The following GRIP1 variants were observed in gnomAD, a reference collection of about 807,000 sequenced individuals.
GRIP1 encodes the protein glutamate receptor-interacting protein 1.
GRIP1 carries 45 observed loss-of-function variants against 129.9 expected under a neutral mutation model. The ratio of observed to expected loss-of-function variants is 0.35; its 90% CI spans 0.27 to 0.44. GRIP1 has a LOEUF of 0.44. GRIP1 is among the 20% of genes least tolerant of loss of function. The pLI is 1.00. For synonymous variants in GRIP1, 530 were observed against 520.8 expected (o/e 1.02, Z -0.24); for missense variants, 1,196 against 1,396.8 (o/e 0.86, Z 2.29).
chr12:66,409,704 A>G (rs1187293653), intron 15 of GRIP1, among the ~76,000 whole-genome samples: 3 of 152,246 alleles, frequency 2.0e-5, no homozygotes, highest in African/African-American at 4.8e-5. Context: ...ATAAGGCACG[A>G]AAGACCAATC....
At position 66,604,830 on chromosome 12, in the gene GRIP1, A is replaced by G. The variant is rs1348201065; in HGVS notation, c.56-7903T>C. On this transcript the variant is annotated intron_variant, in intron 1 of 24. Transcript: ENST00000359742. ...CTGGCTATTTAAAATCACATTTTAA[A>G]TTCTTGTTTAAAAAGCACACTATTC... 2.0e-5 allele frequency among the ~76,000 whole-genome samples: 3 copies of G among 152,330 alleles called. No homozygotes were observed. In the East Asian group the frequency reaches 5.8e-4, roughly 29 times the overall value.
chr12:66,786,717 A>G (rs951785851), intron 1 of GRIP1, among the ~76,000 whole-genome samples: 3 of 152,144 alleles, frequency 2.0e-5, no homozygotes, highest in Non-Finnish European at 4.4e-5. Context: ...CTGACTCCCA[A>G]GGGTCCTCAC....
intron 1 of GRIP1, among the ~76,000 whole-genome samples, chr12:66,974,185 A>G (rs1022173691): frequency 6.6e-6 from 1 of 151,702 alleles, no homozygotes; most frequent in East Asian, 1.9e-4. Flanking sequence ...CAGCCTCCCA[A>G]AGTGCTGGGA....
chr12:66,595,684 C>G (rs1254348927), intron 2 of GRIP1, among the ~76,000 whole-genome samples: 1 of 152,202 alleles, frequency 6.6e-6, no homozygotes, highest in Admixed American at 6.5e-5. Flanking sequence ...GACATCTCGG[C>G]ACTGGGTGAT....
intron 2 of GRIP1, among the ~76,000 whole-genome samples, chr12:66,583,958 C>T (rs1227109765): frequency 3.6e-5 from 5 of 139,080 alleles, no homozygotes; most frequent in Admixed American, 1.5e-4. Context: ...CACATGCACA[C>T]GTATGTTTAT....
chr12:66,964,259 G>A (rs1381005881), intron 1 of GRIP1, among the ~76,000 whole-genome samples: 1 of 152,098 alleles, frequency 6.6e-6, no homozygotes, highest in African/African-American at 2.4e-5. Flanking sequence ...TAAGTAGCCA[G>A]AAATATACCA....
intron 1 of GRIP1, among the ~76,000 whole-genome samples, chr12:66,800,423 A>G (rs901278054): frequency 6.7e-6 from 1 of 149,548 alleles, no homozygotes; most frequent in African/African-American, 2.6e-5. Flanking sequence ...ACCTCTATTC[A>G]TAAGAGAGAA....
At chr12:66,732,652 C>T (rs2036476311) in intron 1 of GRIP1, among the ~76,000 whole-genome samples, 1 of 151,898 alleles carries the variant, frequency 6.6e-6, no homozygotes, top group Non-Finnish European at 1.5e-5. Context: ...ATTTTCTTAA[C>T]ACTTTTTCTC....
Position 66,392,717 on chromosome 12 carries a change from T to G in GRIP1, c.2229A>C (p.Ala743=). ...TAATTTTCAAGGTGACAGTCTCTCC[T>G]GCCATCTGTAACAAATGGATGGCTT... ...LSEAIHLLQM[A]GETVTLKIKK... is the part of the protein sequence containing the mutation. The change falls in exon 18 of 25, where the codon GCA becomes GCC. Residue 743 remains alanine, a synonymous_variant. Transcript: ENST00000359742. 6.2e-7 allele frequency: 1 copy of G among 1,613,878 alleles called. No individual in the cohort carries two copies. The highest frequency in any genetic ancestry group is 8.5e-7 in the Non-Finnish European group (1 of 1,179,714).
chr12:67,026,739 A>G (rs1364152928), intron 1 of GRIP1, among the ~76,000 whole-genome samples: 1 of 152,176 alleles, frequency 6.6e-6, no homozygotes, highest in Non-Finnish European at 1.5e-5. Flanking sequence ...TGGTCAATCT[A>G]TTACAGAGGA....
At chr12:66,718,278 G>T (rs574641781) in intron 1 of GRIP1, among the ~76,000 whole-genome samples, 2 of 152,050 alleles carry the variant, frequency 1.3e-5, no homozygotes, top group Non-Finnish European at 2.9e-5. Context: ...GCCAAGGTTT[G>T]CTCCACTTGT....
chr12:66,662,825 A>G (rs2033589292), intron 1 of GRIP1, among the ~76,000 whole-genome samples: 1 of 152,086 alleles, frequency 6.6e-6, no homozygotes, highest in East Asian at 1.9e-4. Context: ...TTACTGCTCT[A>G]CCCTTCCTGA....
At chr12:66,532,613 G>A (rs902706439) in intron 4 of GRIP1, among the ~76,000 whole-genome samples, 1 of 152,118 alleles carries the variant, frequency 6.6e-6, no homozygotes, top group Non-Finnish European at 1.5e-5. Context: ...CACAAGCAGA[G>A]GCTGGAATTG....
At chr12:66,984,527 T>C (rs2042283049) in intron 1 of GRIP1, among the ~76,000 whole-genome samples, 3 of 152,218 alleles carry the variant, frequency 2.0e-5, no homozygotes, top group Admixed American at 2.0e-4. Flanking sequence ...TTACATGTAC[T>C]AACTCATTTA....
intron 7 of GRIP1, among the ~76,000 whole-genome samples, chr12:66,466,211 C>T (rs2059281644): frequency 6.6e-6 from 1 of 152,226 alleles, no homozygotes; most frequent in African/African-American, 2.4e-5. Flanking sequence ...GCTTCTACAG[C>T]CTGCTCTATT....
At chr12:66,973,070 T>C (rs982458980) in intron 1 of GRIP1, among the ~76,000 whole-genome samples, 2 of 152,182 alleles carry the variant, frequency 1.3e-5, no homozygotes, top group Non-Finnish European at 2.9e-5. Context: ...CTTGTTTCTA[T>C]TTCAACACCA....
chr12:66,760,460 A>G (rs1169314286), intron 1 of GRIP1, among the ~76,000 whole-genome samples: 4 of 152,210 alleles, frequency 2.6e-5, no homozygotes, highest in Non-Finnish European at 5.9e-5. Flanking sequence ...GGTGGGAGGT[A>G]AAAAGCACTT....
chr12:66,601,074 T>A (rs1050532479), intron 1 of GRIP1, among the ~76,000 whole-genome samples: 1 of 152,096 alleles, frequency 6.6e-6, no homozygotes, highest in Admixed American at 6.6e-5. Flanking sequence ...ACAGGGAGAA[T>A]TGACATGGTG....
At chr12:66,454,773 A>G (rs1258223456) in intron 11 of GRIP1, among the ~76,000 whole-genome samples, 1 of 152,086 alleles carries the variant, frequency 6.6e-6, no homozygotes, top group African/African-American at 2.4e-5. Flanking sequence ...CATCCTTCCA[A>G]TCTTCCTTAG....
Sources: gnomAD v4.1 joint callset for allele counts (sites outside exome capture counted in the v4.1 genomes callset) on GRCh38, gnomAD v4.1.1 for gene constraint, MANE v1.5 for transcripts, NCBI Gene and HGNC (gene_info 2026-07-23, HGNC 2026-07-21) for gene names.